The following EGFL6 variants were observed in gnomAD, a reference collection of about 807,000 sequenced individuals.
The protein encoded by EGFL6 is epidermal growth factor-like protein 6.
EGFL6 carries 42 observed loss-of-function variants against 43.1 expected under a neutral mutation model. The observed-to-expected ratio is 0.98, with a 90% CI of 0.76 to 1.26. The LOEUF is 1.26. Ranked by LOEUF, EGFL6 falls within the 50% of genes most tolerant of loss-of-function variation. The probability of loss-of-function intolerance (pLI) is 0.00; values close to 1 mark genes in which losing one functional copy is unlikely to be tolerated. For synonymous variants in EGFL6, 164 were observed against 163.2 expected (o/e 1.01, Z -0.04); for missense variants, 429 against 427.8 (o/e 1.00, Z -0.02).
intron 10 of EGFL6, 23 bp from the exon 11 acceptor site, chrX:13,626,988 G>A: frequency 8.3e-7 from 1 of 1,200,765 alleles, no homozygotes; most frequent in Non-Finnish European, 1.1e-6. Flanking sequence ...CATTAATTGT[G>A]CATTTTTTCC....
At chrX:13,573,053 T>C (rs140756488) in intron 1 of EGFL6, among the ~76,000 whole-genome samples, 1,690 of 112,169 alleles carry the variant, frequency 0.015, 18 homozygotes, top group Non-Finnish European at 0.024. Flanking sequence ...TCTTCCTTGT[T>C]TTCTTCCTCC....
chrX:13,594,942 C>G lies in EGFL6; in HGVS notation c.280+14C>G, dbSNP rs17256423. 1.3e-5 allele frequency: 15 copies of G among 1,165,203 alleles called. No homozygotes were observed. Among genetic ancestry groups the G allele is most frequent in the Non-Finnish European group, 1.7e-5 (15 of 857,654 alleles). ...CCTGCAGTCAAGGTCAGTAAGGTAG[C>G]CCAGGGTCATAGTTCAAATTCAATC... On this transcript the variant is annotated intron_variant, in intron 3 of 11. Coordinates refer to ENST00000361306, the MANE Select transcript of EGFL6 (RefSeq NM_015507.4).
intron 7 of EGFL6, among the ~76,000 whole-genome samples, chrX:13,612,583 G>A (rs28449731): frequency 0.068 from 7,462 of 109,122 alleles, 226 homozygotes; most frequent in East Asian, 0.11. Flanking sequence ...ACGGGGTGGC[G>A]GCCGGGCAGA....
At chrX:13,612,036 C>CT (rs2045691240) in intron 7 of EGFL6, among the ~76,000 whole-genome samples, 1 of 109,822 alleles carries the variant, frequency 9.1e-6, no homozygotes, top group African/African-American at 3.3e-5. Context: ...TCAAAATCCA[C>CT]TCTTTTTTTT....
intron 11 of EGFL6, among the ~76,000 whole-genome samples, chrX:13,631,370 C>T (rs1277162652): frequency 8.9e-6 from 1 of 112,008 alleles, no homozygotes; most frequent in African/African-American, 3.2e-5. Flanking sequence ...ATAGGTGCTC[C>T]ATAAATTGTA....
At chrX:13,614,305 C>T (rs1033306943) in intron 7 of EGFL6, among the ~76,000 whole-genome samples, 2 of 111,762 alleles carry the variant, frequency 1.8e-5, no homozygotes, top group Non-Finnish European at 3.8e-5. Flanking sequence ...TCAGCAAACT[C>T]TCTTGGCTCA....
intron 3 of EGFL6, among the ~76,000 whole-genome samples, chrX:13,598,513 C>T (rs1287897729): frequency 9.1e-6 from 1 of 110,004 alleles, no homozygotes; most frequent in Non-Finnish European, 1.9e-5. Flanking sequence ...TTCTATTTTC[C>T]TTCTGTGTCA....
At chrX:13,605,311 A>C (rs2045653833) in intron 5 of EGFL6, among the ~76,000 whole-genome samples, 1 of 111,566 alleles carries the variant, frequency 9.0e-6, no homozygotes, top group African/African-American at 3.3e-5. Flanking sequence ...GGTGATGTGC[A>C]CCTGTAGTCC....
At chrX:13,610,509 G>A (rs1192629015) in intron 7 of EGFL6, among the ~76,000 whole-genome samples, 4 of 111,965 alleles carry the variant, frequency 3.6e-5, no homozygotes, top group Non-Finnish European at 5.6e-5. Context: ...AGTATCCAAT[G>A]ATGTCCTTCT....
intron 3 of EGFL6, among the ~76,000 whole-genome samples, 168 bp from the exon 4 acceptor site, chrX:13,599,807 G>T (rs2045621547): frequency 9.0e-6 from 1 of 111,026 alleles, no homozygotes; most frequent in African/African-American, 3.3e-5. Context: ...GCTACACATT[G>T]TCACCAATCC....
intron 6 of EGFL6, 87 bp downstream of exon 6, chrX:13,606,600 G>A: frequency 9.7e-7 from 1 of 1,025,802 alleles, no homozygotes; most frequent in Non-Finnish European, 1.3e-6. Flanking sequence ...GTCAATTCAA[G>A]CTATTAGTTG....
intron 1 of EGFL6, among the ~76,000 whole-genome samples, chrX:13,581,699 C>T (rs1306498845): frequency 3.6e-5 from 4 of 112,152 alleles, no homozygotes; most frequent in Non-Finnish European, 5.6e-5. Flanking sequence ...AGAAATACTA[C>T]ACTACTTACA....
At chrX:13,576,686 A>G (rs1264439105) in intron 1 of EGFL6, among the ~76,000 whole-genome samples, 1 of 111,932 alleles carries the variant, frequency 8.9e-6, no homozygotes, top group African/African-American at 3.2e-5. Context: ...AGGGGAGAAC[A>G]GAGATTGAGG....
chrX:13,623,653 A>T (rs1360331456), intron 9 of EGFL6, among the ~76,000 whole-genome samples, 171 bp from the exon 10 acceptor site: 3 of 108,870 alleles, frequency 2.8e-5, no homozygotes, highest in Admixed American at 9.9e-5. Context: ...TTTTTTTAAG[A>T]TCACAACTGA....
intron 3 of EGFL6, chrX:13,596,207 GTA>G (rs754623936): frequency 1.8e-5 from 2 of 112,021 alleles, no homozygotes; most frequent in South Asian, 3.7e-4. Flanking sequence ...TAATTTTATA[GTA>G]TATGTTTGTT....
intron 9 of EGFL6, among the ~76,000 whole-genome samples, chrX:13,621,358 G>A (rs1299271928): frequency 2.7e-5 from 3 of 111,826 alleles, no homozygotes; most frequent in African/African-American, 9.8e-5. Context: ...GGAGGCTGGG[G>A]CATATATATA....
intron 1 of EGFL6, among the ~76,000 whole-genome samples, chrX:13,583,535 T>C (rs1028570870): frequency 9.0e-6 from 1 of 111,570 alleles, no homozygotes; most frequent in African/African-American, 3.3e-5. Context: ...GGTAGACAAA[T>C]GAGTAGGTGA....
chrX:13,608,893 T>G (rs763777664), intron 7 of EGFL6, among the ~76,000 whole-genome samples: 133 of 112,469 alleles, frequency 1.2e-3, no homozygotes, highest in African/African-American at 4.2e-3. Context: ...CAAAACAAAG[T>G]AAGGCAAAGC....
rs1569209997 is a variant in EGFL6, at chrX:13,623,376, G to GTTTTTTTTTTT, written c.1184-448_1184-447insTTTTTTTTTTT. 2.4e-4 allele frequency among the ~76,000 whole-genome samples: 10 copies of GTTTTTTTTTTT among 41,035 alleles called. 1 individual carries two copies. The East Asian group carries it at 3.9e-3, about 16-fold the overall frequency. The allele number at this position is 41,035 out of a possible 115,157, so 35.6% of individuals were successfully genotyped here. Reference sequence around the variant, plus strand: ...AAAAAAGGGTTTTTGTTTTATTTTGGGTTTTTTTTTTTTTTTTTTTTGAGA... The same window carrying GTTTTTTTTTTT: ...AAAAAAGGGTTTTTGTTTTATTTTGGTTTTTTTTTTTGTTTTTTTTTTTTTTTTTTTTGAGA... On this transcript the variant is annotated intron_variant, in intron 9 of 11. Coordinates refer to ENST00000361306, the MANE Select transcript of EGFL6 (RefSeq NM_015507.4).
Sources: gnomAD v4.1 joint callset for allele counts (sites outside exome capture counted in the v4.1 genomes callset) on GRCh38, gnomAD v4.1.1 for gene constraint, MANE v1.5 for transcripts, NCBI Gene and HGNC (gene_info 2026-07-23, HGNC 2026-07-21) for gene names.